The following ADORA2A variants were observed in gnomAD, a reference collection of about 807,000 sequenced individuals.
ADORA2A encodes the protein adenosine receptor A2a.
In ADORA2A, 11 loss-of-function variants were observed where a neutral mutation model predicts 18.4. The ratio of observed to expected loss-of-function variants is 0.60; its 90% CI spans 0.38 to 0.99. The LOEUF is 0.99. Ranked by LOEUF, ADORA2A falls within the 50% of genes least tolerant of loss-of-function variation. ADORA2A has a pLI of 0.01. For missense variants in ADORA2A, 449 were observed against 556.1 expected, an observed-to-expected ratio of 0.81 and a Z score of 1.94; for synonymous variants, 218 against 237.3, an observed-to-expected ratio of 0.92 and a Z score of 0.75.
rs201609255 is a variant in ADORA2A, at chr22:24,441,177, G to A, written c.927G>A (p.Arg309=). ...AGATCATTCGCAGCCACGTCCTGAG[G>A]CAGCAAGAACCTTTCAAGGCAGCTG... The part of the protein sequence containing the change: ...FRKIIRSHVL[R]QQEPFKAAGT... Residue 309 remains arginine, a synonymous_variant, in exon 3 of 3, where the codon AGG becomes AGA. Transcript: ENST00000337539. The A allele has an allele frequency of 6.2e-7, 1 of 1,614,166 alleles. No individual in the cohort carries two copies. The highest frequency in any genetic ancestry group is 8.5e-7 in the Non-Finnish European group (1 of 1,180,042).
intron 2 of ADORA2A, among the ~76,000 whole-genome samples, chr22:24,435,117 C>T (rs1328614008): frequency 6.6e-6 from 1 of 152,202 alleles, no homozygotes; most frequent in East Asian, 1.9e-4. Context: ...GCTCTCTATC[C>T]CAGGAGAGTC....
At chr22:24,431,727 G>A in intron 1 of ADORA2A, 1 of 351,424 alleles carries the variant, frequency 2.8e-6, no homozygotes, top group South Asian at 2.1e-5. Flanking sequence ...CTCTCAAAGA[G>A]GGGCAATTTA....
At chr22:24,423,967 G>C (rs1357533581), upstream of ADORA2A, 1 of 152,124 alleles carries the variant, frequency 6.6e-6, no homozygotes, top group Non-Finnish European at 1.5e-5. Context: ...GGTCAGCCGG[G>C]GTGCTAGGTC....
intron 2 of ADORA2A, chr22:24,438,767 C>T (rs760407570): frequency 6.6e-6 from 1 of 152,206 alleles, no homozygotes; most frequent in Non-Finnish European, 1.5e-5. Context: ...ACCTGTAAAA[C>T]AAGAGGATTG....
chr22:24,441,898 C>T lies in ADORA2A; in HGVS notation c.*409C>T. The stretch of plus-strand genomic sequence containing the variant: ...ACCCACACACCACTCTCCCTAGACT[C>T]TCCTAGGGTTCAGGAGCTGCTGGGC... On this transcript the variant is annotated 3_prime_UTR_variant, in exon 3 of 3. Transcript: ENST00000337539. The T allele has an allele frequency of 5.7e-6, 1 of 174,114 alleles. No individual in the cohort carries two copies. The highest frequency in any genetic ancestry group is 1.2e-5 in the Non-Finnish European group (1 of 82,712). The allele number at this position is 174,114 out of a possible 1,614,324, so 10.8% of individuals were successfully genotyped here. A position where few individuals can be genotyped will look rare whatever the true frequency, so the allele number is the denominator to read the frequency against.
chr22:24,440,062 G>C (rs1224142636), intron 2 of ADORA2A, among the ~76,000 whole-genome samples: 1 of 152,090 alleles, frequency 6.6e-6, no homozygotes, highest in African/African-American at 2.4e-5. Flanking sequence ...ATCCTCTATA[G>C]GTCTGATCTG....
chr22:24,427,169 G>C (rs1298750124), upstream of ADORA2A, among the ~76,000 whole-genome samples: 1 of 152,154 alleles, frequency 6.6e-6, no homozygotes, highest in Non-Finnish European at 1.5e-5. Context: ...GTCACAGGAG[G>C]ACTCGCCTCT....
Position 24,441,025 on chromosome 22 carries a change from T to C in ADORA2A, c.775T>C (p.Cys259Arg), listed in dbSNP as rs200179427. 1.2e-6 allele frequency: 2 copies of C among 1,614,058 alleles called. No individual in the cohort carries two copies. The highest frequency in any genetic ancestry group is 1.7e-6 in the Non-Finnish European group (2 of 1,180,034). The stretch of plus-strand genomic sequence containing the variant: ...CATCATCAACTGCTTCACTTTCTTC[T>C]GCCCCGACTGCAGCCACGCCCCTCT... Reference protein sequence around the residue: ...LHIINCFTFFCPDCSHAPLWL... With the variant: ...LHIINCFTFFRPDCSHAPLWL... Residue 259 changes from cysteine to arginine, a missense_variant, in exon 3 of 3, where the codon TGC becomes CGC. By Grantham distance (180) the Cys-to-Arg change is radical. Transcript: ENST00000337539.
chr22:24,431,486 C>T (rs1462663657), intron 1 of ADORA2A: 1 of 456,674 alleles, frequency 2.2e-6, no homozygotes, highest in Non-Finnish European at 4.4e-6. Flanking sequence ...TAGAGGGGAG[C>T]CTGGCCCTTT....
At position 24,441,059 on chromosome 22, in the gene ADORA2A, T is replaced by C. The variant is rs756360364; in HGVS notation, c.809T>C (p.Met270Thr). 8 of 1,614,140 alleles carry C rather than the reference T, an allele frequency of 5.0e-6. No individual in the cohort carries two copies. Among genetic ancestry groups the C allele is most frequent in the South Asian group, 1.1e-5 (1 of 91,086 alleles). ...PDCSHAPLWL[M>T]YLAIVLSHTN... ...TGCAGCCACGCCCCTCTCTGGCTCA[T>C]GTACCTGGCCATCGTCCTCTCCCAC... Residue 270 changes from methionine to threonine, a missense_variant, in exon 3 of 3, where the codon ATG becomes ACG. Transcript: ENST00000337539.
At chr22:24,437,261 A>G (rs116074839) in intron 2 of ADORA2A, among the ~76,000 whole-genome samples, 2 of 152,358 alleles carry the variant, frequency 1.3e-5, no homozygotes, top group Admixed American at 1.3e-4. Context: ...TCTGGGACCC[A>G]CATTCTCTGA....
chr22:24,428,394 C>T (rs928046508), intron 1 of ADORA2A, among the ~76,000 whole-genome samples: 1 of 152,334 alleles, frequency 6.6e-6, no homozygotes, highest in Non-Finnish European at 1.5e-5. Context: ...GATCCCCAGT[C>T]GTCTCTTCCA....
At chr22:24,432,361 T>TC (rs1299164239) in intron 1 of ADORA2A, 4 of 152,830 alleles carry the variant, frequency 2.6e-5, no homozygotes, top group Non-Finnish European at 4.4e-5. Flanking sequence ...GCGGCTGGTG[T>TC]CCCTTAGGTG....
chr22:24,425,350 C>G (rs934962029), upstream of ADORA2A, among the ~76,000 whole-genome samples: 141 of 139,246 alleles, frequency 1.0e-3, no homozygotes, highest in African/African-American at 3.4e-3. Flanking sequence ...CCCCCCCCCC[C>G]CGCCCAACAT....
chr22:24,431,308 G>T, intron 1 of ADORA2A: 1 of 456,810 alleles, frequency 2.2e-6, no homozygotes, highest in Non-Finnish European at 4.4e-6. Context: ...CCATTCCCAG[G>T]CTCCTAGTAG....
At chr22:24,430,930 G>A (rs1426525140) in intron 1 of ADORA2A, 6 of 358,776 alleles carry the variant, frequency 1.7e-5, no homozygotes, top group Non-Finnish European at 3.3e-5. Context: ...GGGCCTGGGA[G>A]TCCACCTTGG....
Position 24,433,500 on chromosome 22 carries a change from G to C in ADORA2A, c.96G>C (p.Trp32Cys), listed in dbSNP as rs1260791147. 5 of 1,614,060 alleles carry C rather than the reference G, an allele frequency of 3.1e-6. No homozygotes were observed. The highest frequency in any genetic ancestry group is 4.2e-6 in the Non-Finnish European group (5 of 1,180,048). Residue 32 changes from tryptophan (W) to cysteine (C), a missense_variant, in exon 2 of 3, where the codon TGG becomes TGC. Trp to Cys is a radical substitution (Grantham distance 215). Coordinates refer to ENST00000337539, the MANE Select transcript of ADORA2A (RefSeq NM_000675.6). ...LGNVLVCWAV[W>C]LNSNLQNVTN... is the part of the protein sequence containing the mutation. Reference sequence around the variant, plus strand: ...ATGTGCTGGTGTGCTGGGCCGTGTGGCTCAACAGCAACCTGCAGAACGTCA... The same window carrying C: ...ATGTGCTGGTGTGCTGGGCCGTGTGCCTCAACAGCAACCTGCAGAACGTCA...
intron 2 of ADORA2A, among the ~76,000 whole-genome samples, chr22:24,434,347 T>A (rs2043122301): frequency 6.6e-6 from 1 of 152,244 alleles, no homozygotes; most frequent in African/African-American, 2.4e-5. Flanking sequence ...CACCAAGGAC[T>A]CATCGTCTTA....
intron 2 of ADORA2A, chr22:24,439,650 T>C (rs1357883923): frequency 6.6e-6 from 1 of 152,100 alleles, no homozygotes; most frequent in Non-Finnish European, 1.5e-5. Flanking sequence ...TTGTCCATTC[T>C]TTCATGAAAT....
Sources: allele counts gnomAD v4.1 joint callset (sites outside exome capture counted in the v4.1 genomes callset), GRCh38; gene constraint gnomAD v4.1.1; transcripts MANE v1.5; gene names NCBI Gene and HGNC (gene_info 2026-07-23, HGNC 2026-07-21).